The following TNN variants were observed in gnomAD, a reference collection of about 807,000 sequenced individuals.
TNN encodes tenascin N, also known as tenascin-N.
A neutral mutation model predicts 134.4 loss-of-function variants in TNN; 122 were observed. The ratio of observed to expected loss-of-function variants is 0.91; its 90% CI spans 0.78 to 1.06. The LOEUF is 1.06. TNN is among the 50% of genes least tolerant of loss of function. The pLI is 0.00. For synonymous variants in TNN, 710 were observed against 670.3 expected (o/e 1.06, Z -0.91); for missense variants, 1,739 against 1,699.4 (o/e 1.02, Z -0.41).
At chr1:175,074,195 G>A (rs1398251611) in intron 1 of TNN, among the ~76,000 whole-genome samples, 1 of 152,062 alleles carries the variant, frequency 6.6e-6, no homozygotes, top group Non-Finnish European at 1.5e-5. Flanking sequence ...TGAAATGTGT[G>A]GGCACGGCCA....
intron 18 of TNN, 119 bp from the exon 19 acceptor site, chr1:175,146,812 C>A: frequency 1.0e-6 from 1 of 970,084 alleles, no homozygotes; most frequent in Non-Finnish European, 1.4e-6. Flanking sequence ...CTCTCCTGAG[C>A]AGAGAGGGAG....
chr1:175,136,727 G>T, intron 16 of TNN, 94 bp from the exon 17 acceptor site: 1 of 1,195,894 alleles, frequency 8.4e-7, no homozygotes, highest in South Asian at 1.5e-5. Flanking sequence ...AGACTAAAGT[G>T]ACTTTAGGTT....
rs12121351 is a variant in TNN, at chr1:175,076,302, A to G, written c.-35-1082A>G. 7.1e-3 allele frequency among the ~76,000 whole-genome samples: 1,083 copies of G among 152,304 alleles called. 10 individuals carry two copies. Among genetic ancestry groups the G allele is most frequent in the Non-Finnish European group, 0.01 (704 of 68,020 alleles). Reference sequence around the variant, plus strand: ...GGTCGCCTGGCTTGACTGACAAACCAGGCCACCCATGCACGGATGGATTTG... The same window carrying G: ...GGTCGCCTGGCTTGACTGACAAACCGGGCCACCCATGCACGGATGGATTTG... On this transcript the variant is annotated intron_variant, in intron 1 of 18. Coordinates refer to ENST00000239462, the MANE Select transcript of TNN (RefSeq NM_022093.2).
intron 17 of TNN, among the ~76,000 whole-genome samples, chr1:175,137,397 T>TGTGTGTGTGAGA (rs10638677): frequency 6.7e-6 from 1 of 149,382 alleles, no homozygotes. Flanking sequence ...TGTGTGATTA[T>TGTGTGTGTGAGA]TTGAGCTTTT....
In TNN at chr1:175,129,592, T is replaced by G. The variant is rs977913734; in HGVS notation, c.3330+846T>G. On this transcript the variant is annotated intron_variant, in intron 15 of 18. Coordinates refer to ENST00000239462, the MANE Select transcript of TNN (RefSeq NM_022093.2). Reference sequence around the variant, plus strand: ...TATTTTACCTTCTTCAAAGCACTTCTGTACACATGACCCTCACACAACAGC... The same window carrying G: ...TATTTTACCTTCTTCAAAGCACTTCGGTACACATGACCCTCACACAACAGC... Among the ~76,000 whole-genome samples, 12 of 151,902 alleles carry G rather than the reference T, an allele frequency of 7.9e-5. 2 individuals are homozygous for G. Among genetic ancestry groups the G allele is most frequent in the Non-Finnish European group, 1.5e-5 (1 of 67,978 alleles).
At chr1:175,087,847 T>C (rs1224825756) in intron 6 of TNN, among the ~76,000 whole-genome samples, 1 of 152,244 alleles carries the variant, frequency 6.6e-6, no homozygotes, top group Non-Finnish European at 1.5e-5. Flanking sequence ...GGGGTTCTTA[T>C]GACTCCCCTC....
intron 15 of TNN, among the ~76,000 whole-genome samples, chr1:175,131,538 A>C (rs1029270919): frequency 2.0e-5 from 3 of 152,124 alleles, no homozygotes; most frequent in Non-Finnish European, 2.9e-5. Flanking sequence ...AGTGGATTAG[A>C]CTCTGAGTGA....
chr1:175,131,904 G>T (rs1574175322), intron 15 of TNN, among the ~76,000 whole-genome samples: 4 of 128,892 alleles, frequency 3.1e-5, no homozygotes, highest in African/African-American at 1.3e-4. Context: ...CCCTGGCCCA[G>T]ATGAAGTATT....
At chr1:175,135,756 G>A in intron 15 of TNN, 89 bp from the exon 16 acceptor site, 1 of 981,336 alleles carries the variant, frequency 1.0e-6, no homozygotes, top group Non-Finnish European at 1.6e-6. Context: ...GAGGAAGGCA[G>A]TGTATGAGCA....
At chr1:175,139,411 G>T (rs985135445) in intron 17 of TNN, among the ~76,000 whole-genome samples, 1 of 151,084 alleles carries the variant, frequency 6.6e-6, no homozygotes, top group African/African-American at 2.4e-5. Context: ...AAACCTTTGT[G>T]TTAAAAACTA....
chr1:175,072,512 C>T (rs1190872303), intron 1 of TNN, among the ~76,000 whole-genome samples: 1 of 152,150 alleles, frequency 6.6e-6, no homozygotes, highest in Non-Finnish European at 1.5e-5. Context: ...CTGTCTGCCC[C>T]CTCCCCACCC....
chr1:175,116,842 T>C (rs960045210), intron 9 of TNN, 97 bp from the exon 10 acceptor site: 3 of 1,536,264 alleles, frequency 2.0e-6, no homozygotes, highest in Non-Finnish European at 2.7e-6. Flanking sequence ...GGAGAAACCA[T>C]AAGAACAGGA....
At chr1:175,132,693 G>A (rs550288968) in intron 15 of TNN, among the ~76,000 whole-genome samples, 12 of 152,214 alleles carry the variant, frequency 7.9e-5, no homozygotes, top group Non-Finnish European at 1.8e-4. Context: ...CTGAGGGTCA[G>A]CAATAGAAGA....
At position 175,085,418 on chromosome 1, in the gene TNN, G is replaced by C. The variant is rs749951111; in HGVS notation, c.1248G>C (p.Gly416=). The C allele has an allele frequency of 1.7e-5, 28 of 1,612,212 alleles. No homozygotes were observed. In the Admixed American group the frequency reaches 4.0e-4, roughly 23 times the overall value. ...GCTTGTTTCCAGGTCTGCACCCGGG[G>C]ACTGAGTATAAGATCACGGTGGTGC... ...SRYDITGLHP[G]TEYKITVVPM... The change falls in exon 6 of 19, where the codon GGG becomes GGC. Residue 416 remains glycine (G), a synonymous_variant. Transcript: ENST00000239462.
chr1:175,126,305 T>C (rs948082043), intron 12 of TNN, among the ~76,000 whole-genome samples: 3 of 152,032 alleles, frequency 2.0e-5, no homozygotes, highest in African/African-American at 7.2e-5. Context: ...TTTCATCATA[T>C]TGGCCAGGCT....
chr1:175,117,488 T>A (rs1280584982), intron 10 of TNN, among the ~76,000 whole-genome samples: 1 of 152,198 alleles, frequency 6.6e-6, no homozygotes, highest in Non-Finnish European at 1.5e-5. Context: ...ATCGAGGGTC[T>A]CTTAGTGAGT....
chr1:175,137,896 C>A (rs952205334), intron 17 of TNN, among the ~76,000 whole-genome samples: 1 of 152,180 alleles, frequency 6.6e-6, no homozygotes, highest in African/African-American at 2.4e-5. Flanking sequence ...TAGAAGGTAA[C>A]TTTTGCAGAG....
At chr1:175,113,309 A>G (rs963998964) in intron 9 of TNN, among the ~76,000 whole-genome samples, 3 of 152,174 alleles carry the variant, frequency 2.0e-5, no homozygotes, top group Non-Finnish European at 4.4e-5. Context: ...TTTCTGAAGA[A>G]TAGACTTGCT....
intron 1 of TNN, among the ~76,000 whole-genome samples, chr1:175,069,307 A>G (rs1397027121): frequency 6.6e-6 from 1 of 152,210 alleles, no homozygotes; most frequent in African/African-American, 2.4e-5. Context: ...TGTCAGACAC[A>G]GGAAAAAATA....
Sources: allele counts gnomAD v4.1 joint callset (sites outside exome capture counted in the v4.1 genomes callset), GRCh38; gene constraint gnomAD v4.1.1; transcripts MANE v1.5; gene names NCBI Gene and HGNC (gene_info 2026-07-23, HGNC 2026-07-21).